The following TENM4 variants were observed in gnomAD, a reference collection of about 807,000 sequenced individuals.
TENM4 encodes teneurin transmembrane protein 4.
Under a neutral mutation model 243.3 loss-of-function variants are expected in TENM4, and 82 were observed. The observed-to-expected ratio is 0.34, with a 90% CI of 0.28 to 0.40. TENM4 has a LOEUF of 0.40. Among genes scored for constraint, TENM4 ranks in the 10% least tolerant of loss-of-function variants. TENM4 has a pLI of 1.00. For missense variants in TENM4, 3,138 were observed against 3,673.3 expected (o/e 0.85, Z 3.77); for synonymous variants, 1,412 against 1,456.3 (o/e 0.97, Z 0.69).
intron 3 of TENM4, among the ~76,000 whole-genome samples, chr11:79,194,088 G>A (rs936380093): frequency 2.6e-5 from 4 of 151,980 alleles, no homozygotes; most frequent in East Asian, 1.9e-4. Flanking sequence ...TAAGCCTCAC[G>A]AGATCTGATG....
chr11:79,008,340 G>A (rs561812461), intron 6 of TENM4, among the ~76,000 whole-genome samples: 30 of 152,244 alleles, frequency 2.0e-4, no homozygotes, highest in Non-Finnish European at 4.0e-4. Context: ...GGTCCTACTC[G>A]TTCTGGCTGC....
intron 2 of TENM4, among the ~76,000 whole-genome samples, chr11:79,241,333 G>A (rs979627693): frequency 8.6e-5 from 13 of 152,044 alleles, no homozygotes; most frequent in African/African-American, 2.9e-4. Context: ...CAGCAAGGTG[G>A]CAAGCAGGGA....
At chr11:79,040,165 C>G (rs143210346) in intron 6 of TENM4, among the ~76,000 whole-genome samples, 2 of 152,168 alleles carry the variant, frequency 1.3e-5, no homozygotes, top group Non-Finnish European at 2.9e-5. Flanking sequence ...TGAGTGCAGA[C>G]CCGGTGCAAG....
In TENM4 at chr11:78,738,354, C is replaced by G. The variant is rs1014805371; in HGVS notation, c.2876+97G>C. 4 of 1,477,814 alleles carry G rather than the reference C, an allele frequency of 2.7e-6. No homozygotes were observed. In the African/African-American group the frequency reaches 5.6e-5, roughly 21 times the overall value. The allele number at this position is 1,477,814 out of a possible 1,614,324, so 91.5% of individuals were successfully genotyped here. Reference sequence around the variant, plus strand: ...GAATTCAGGCCCTCTGAATCCAAGACCCATCCTCTTTCCACATTATCAGTC... The same window carrying G: ...GAATTCAGGCCCTCTGAATCCAAGAGCCATCCTCTTTCCACATTATCAGTC... On this transcript the variant is annotated intron_variant, in intron 20 of 33. Coordinates refer to ENST00000278550, the MANE Select transcript of TENM4 (RefSeq NM_001098816.3).
intron 6 of TENM4, among the ~76,000 whole-genome samples, chr11:78,994,925 T>C (rs144863305): frequency 1.3e-4 from 20 of 152,306 alleles, no homozygotes; most frequent in African/African-American, 4.6e-4. Flanking sequence ...AAGAAGTTGG[T>C]ATTACAAAGA....
At chr11:79,027,787 A>T (rs1024852798) in intron 6 of TENM4, among the ~76,000 whole-genome samples, 1 of 152,046 alleles carries the variant, frequency 6.6e-6, no homozygotes, top group African/African-American at 2.4e-5. Context: ...ACCTGTCAAG[A>T]CTCCACAATA....
At chr11:78,803,149 C>G (rs1282391305) in intron 15 of TENM4, among the ~76,000 whole-genome samples, 2 of 152,010 alleles carry the variant, frequency 1.3e-5, no homozygotes, top group African/African-American at 4.8e-5. Context: ...TCCGCCTCAG[C>G]CTCCTGAGTA....
chr11:79,052,065 T>TAAAA (rs1202194991), intron 6 of TENM4, among the ~76,000 whole-genome samples: 1 of 152,254 alleles, frequency 6.6e-6, no homozygotes, highest in African/African-American at 2.4e-5. Flanking sequence ...CTATTGTAAA[T>TAAAA]AGTACTGCAA....
intron 2 of TENM4, among the ~76,000 whole-genome samples, chr11:79,216,903 A>C (rs1307279142): frequency 6.6e-6 from 1 of 152,146 alleles, no homozygotes; most frequent in Non-Finnish European, 1.5e-5. Context: ...GTAATATACC[A>C]CATGGGAGGG....
In TENM4 at chr11:78,812,324, G is replaced by A; in HGVS notation, c.1784-8C>T. On this transcript the variant is annotated splice_polypyrimidine_tract_variant and splice_region_variant and intron_variant, in intron 13 of 33. Transcript: ENST00000278550. ...AGAGCACGGGGCAGGAGGCTGGGGA[G>A]ACAGCACCGGAGTCTGGCATGAATC... The A allele has an allele frequency of 6.5e-7, 1 of 1,549,770 alleles. No individual in the cohort carries two copies. Among genetic ancestry groups the A allele is most frequent in the Non-Finnish European group, 8.7e-7 (1 of 1,145,412 alleles).
chr11:78,850,174 T>C (rs925445188), intron 12 of TENM4, among the ~76,000 whole-genome samples: 1 of 152,212 alleles, frequency 6.6e-6, no homozygotes, highest in African/African-American at 2.4e-5. Flanking sequence ...TGCTTTTAGA[T>C]TTTTTAAAGG....
At chr11:78,724,350 C>T (rs555471) in intron 23 of TENM4, among the ~76,000 whole-genome samples, 22,817 of 152,224 alleles carry the variant, frequency 0.15, 1,798 homozygotes, top group Admixed American at 0.19. Context: ...CCTTAGCTTC[C>T]CAAAGTGCTG....
chr11:78,699,009 C>T (rs531155173), intron 28 of TENM4, among the ~76,000 whole-genome samples: 129 of 152,260 alleles, frequency 8.5e-4, no homozygotes, highest in Admixed American at 2.7e-3. Flanking sequence ...TCCTACCTAC[C>T]TCAATTAAAA....
At chr11:78,777,970 C>T (rs1366347063) in intron 17 of TENM4, among the ~76,000 whole-genome samples, 1 of 152,142 alleles carries the variant, frequency 6.6e-6, no homozygotes, top group African/African-American at 2.4e-5. Context: ...CTCTAGGGAA[C>T]ACTCTTCAAA....
intron 1 of TENM4, among the ~76,000 whole-genome samples, chr11:79,316,155 G>A (rs1856799154): frequency 6.6e-6 from 1 of 152,146 alleles, no homozygotes; most frequent in South Asian, 2.1e-4. Flanking sequence ...TCTGAGACAG[G>A]AGAGGAAGCA....
chr11:78,841,662 C>A (rs546616149), intron 12 of TENM4, among the ~76,000 whole-genome samples: 1 of 152,150 alleles, frequency 6.6e-6, no homozygotes, highest in Non-Finnish European at 1.5e-5. Context: ...AGTCTTCCCC[C>A]CTGGCTCCTT....
intron 1 of TENM4, among the ~76,000 whole-genome samples, chr11:79,421,390 A>T (rs139956237): frequency 1.7e-3 from 260 of 152,358 alleles, no homozygotes; most frequent in African/African-American, 5.9e-3. Context: ...ACAGAATGTG[A>T]TATCGCTTGA....
intron 7 of TENM4, among the ~76,000 whole-genome samples, chr11:78,897,024 A>G (rs930847734): frequency 1.3e-5 from 2 of 152,146 alleles, no homozygotes; most frequent in African/African-American, 4.8e-5. Flanking sequence ...TTAACTGACG[A>G]GAGTGGCTGG....
At position 79,268,249 on chromosome 11, in the gene TENM4, G is replaced by A. The variant is rs558293359; in HGVS notation, c.-265+29239C>T. ...CTTTGTGGGCTATATGACCTCTGTT[G>A]CAACTACTCAGCTCTGCCATTGTAG... On this transcript the variant is annotated intron_variant, in intron 2 of 33. Coordinates refer to ENST00000278550, the MANE Select transcript of TENM4 (RefSeq NM_001098816.3). Among the ~76,000 whole-genome samples, 3 of 152,264 alleles carry A rather than the reference G, an allele frequency of 2.0e-5. No homozygotes were observed. The South Asian group carries it at 6.2e-4, about 32-fold the overall frequency.
Sources: allele counts gnomAD v4.1 joint callset (sites outside exome capture counted in the v4.1 genomes callset), GRCh38; gene constraint gnomAD v4.1.1; transcripts MANE v1.5; gene names NCBI Gene and HGNC (gene_info 2026-07-23, HGNC 2026-07-21).